Variants in AKAP6 observed in about 807,000 individuals in gnomAD.
AKAP6 encodes A-kinase anchor protein 6.
Under a neutral mutation model 188.5 loss-of-function variants are expected in AKAP6, and 58 were observed. The observed-to-expected ratio is 0.31, with a 90% CI of 0.25 to 0.38. AKAP6 has a LOEUF of 0.38. Ranked by LOEUF, AKAP6 falls within the 10% of genes least tolerant of loss-of-function variation. AKAP6 has a pLI of 1.00. For synonymous variants in AKAP6, 989 were observed against 998.6 expected, an observed-to-expected ratio of 0.99 and a Z score of 0.18; for missense variants, 2,710 against 2,740.0, an observed-to-expected ratio of 0.99 and a Z score of 0.24.
At position 32,832,837 on chromosome 14, in the gene AKAP6, C is replaced by G. The variant is rs2034835611; in HGVS notation, c.*3032C>G. On this transcript the variant is annotated 3_prime_UTR_variant, in exon 14 of 14. Coordinates refer to ENST00000280979, the MANE Select transcript of AKAP6 (RefSeq NM_004274.5). The stretch of plus-strand genomic sequence containing the variant: ...ATCAAGGCCAGTTACTCATCATCTC[C>G]CAACCACTGTTTCCTCAACTGCCCT... 1 of 152,616 alleles carries G rather than the reference C, an allele frequency of 6.6e-6. No homozygotes were observed. Among genetic ancestry groups the G allele is most frequent in the Non-Finnish European group, 1.5e-5 (1 of 68,044 alleles). 9.5% of individuals were successfully genotyped at this position (152,616 alleles called of 1,614,324 possible). A position where few individuals can be genotyped will look rare whatever the true frequency, so the allele number is the denominator to read the frequency against.
chr14:32,483,578 C>T (rs975923467), intron 2 of AKAP6, among the ~76,000 whole-genome samples: 4 of 151,978 alleles, frequency 2.6e-5, no homozygotes, highest in African/African-American at 4.8e-5. Flanking sequence ...TCCGCCTCCC[C>T]GGTTCAAGCA....
At chr14:32,482,283 A>G (rs1268998276) in intron 2 of AKAP6, among the ~76,000 whole-genome samples, 4 of 152,176 alleles carry the variant, frequency 2.6e-5, no homozygotes, top group South Asian at 2.1e-4. Flanking sequence ...CCCACTGCCA[A>G]CATTTCTGGC....
At chr14:32,460,670 C>T (rs1228420110) in intron 2 of AKAP6, among the ~76,000 whole-genome samples, 2 of 152,218 alleles carry the variant, frequency 1.3e-5, no homozygotes, top group Non-Finnish European at 2.9e-5. Flanking sequence ...AAGCTAGCTG[C>T]AGGAGTTTTT....
At chr14:32,351,034 C>G (rs143843625) in intron 1 of AKAP6, among the ~76,000 whole-genome samples, 4 of 151,940 alleles carry the variant, frequency 2.6e-5, no homozygotes, top group East Asian at 1.9e-4. Flanking sequence ...CTACTAAACC[C>G]GGAATCTCGA....
intron 2 of AKAP6, among the ~76,000 whole-genome samples, chr14:32,437,163 TC>T (rs1594612281): frequency 6.6e-6 from 1 of 152,106 alleles, no homozygotes; most frequent in East Asian, 1.9e-4. Flanking sequence ...AAGCTCTCTT[TC>T]CCCATTGTTA....
intron 1 of AKAP6, among the ~76,000 whole-genome samples, chr14:32,404,706 ATATATT>A (rs1321023730): frequency 7.5e-6 from 1 of 133,082 alleles, no homozygotes; most frequent in Non-Finnish European, 1.6e-5. Flanking sequence ...ATATATATAT[ATATATT>A]AGTCAGAATG....
At chr14:32,708,750 T>G (rs1890918089) in intron 9 of AKAP6, among the ~76,000 whole-genome samples, 1 of 152,064 alleles carries the variant, frequency 6.6e-6, no homozygotes, top group South Asian at 2.1e-4. Context: ...ACTTCACTTC[T>G]TGGCCCTCTT....
intron 2 of AKAP6, among the ~76,000 whole-genome samples, chr14:32,520,420 A>T (rs1284525367): frequency 2.0e-5 from 3 of 152,212 alleles, no homozygotes; most frequent in Non-Finnish European, 1.5e-5. Flanking sequence ...TGGTTTTTTG[A>T]AAAGATCAAC....
intron 11 of AKAP6, among the ~76,000 whole-genome samples, chr14:32,758,708 G>A (rs1427027449): frequency 1.3e-5 from 2 of 151,996 alleles, no homozygotes. Context: ...ACTCCACCCT[G>A]GGCAACAAGA....
At chr14:32,545,027 A>G (rs1054886078) in intron 3 of AKAP6, among the ~76,000 whole-genome samples, 17 of 152,292 alleles carry the variant, frequency 1.1e-4, no homozygotes, top group African/African-American at 4.1e-4. Flanking sequence ...GATTAGTGAA[A>G]AATCTTCAGG....
chr14:32,380,450 G>T (rs991786840), intron 1 of AKAP6, among the ~76,000 whole-genome samples: 2 of 152,154 alleles, frequency 1.3e-5, no homozygotes, highest in Non-Finnish European at 2.9e-5. Context: ...CTCAGATCAG[G>T]TACAAACTAG....
At chr14:32,812,729 C>G (rs995901450) in intron 12 of AKAP6, among the ~76,000 whole-genome samples, 1 of 152,176 alleles carries the variant, frequency 6.6e-6, no homozygotes, top group African/African-American at 2.4e-5. Context: ...GAGCCTGATG[C>G]AAGGGATTCA....
chr14:32,528,715 T>A (rs1266240614), intron 2 of AKAP6, among the ~76,000 whole-genome samples: 1 of 152,118 alleles, frequency 6.6e-6, no homozygotes, highest in Non-Finnish European at 1.5e-5. Flanking sequence ...TCTAGCTCTG[T>A]CCCCCAGGCT....
At chr14:32,808,750 G>A (rs919379743) in intron 12 of AKAP6, among the ~76,000 whole-genome samples, 2 of 151,994 alleles carry the variant, frequency 1.3e-5, no homozygotes, top group African/African-American at 4.8e-5. Flanking sequence ...GTTGAATTTT[G>A]TTTCTCTTTA....
At chr14:32,419,396 A>C (rs893781701) in intron 1 of AKAP6, among the ~76,000 whole-genome samples, 1 of 152,174 alleles carries the variant, frequency 6.6e-6, no homozygotes, top group Non-Finnish European at 1.5e-5. Context: ...CGTGCTCTTT[A>C]TGAAAGTTCA....
intron 1 of AKAP6, among the ~76,000 whole-genome samples, chr14:32,391,204 A>G (rs1888703516): frequency 6.6e-6 from 1 of 152,172 alleles, no homozygotes. Context: ...AATAGCAGAT[A>G]ACATGCAACA....
intron 1 of AKAP6, among the ~76,000 whole-genome samples, chr14:32,395,164 T>A (rs1888838918): frequency 6.6e-6 from 1 of 152,118 alleles, no homozygotes; most frequent in South Asian, 2.1e-4. Flanking sequence ...GCAGGCTAAA[T>A]ATAACTCCAT....
intron 11 of AKAP6, among the ~76,000 whole-genome samples, chr14:32,752,970 T>C (rs1233165895): frequency 6.6e-6 from 1 of 152,280 alleles, no homozygotes; most frequent in East Asian, 1.9e-4. Flanking sequence ...TCAGTTTGGT[T>C]TTTTCCATAT....
rs1053638411 is a variant in AKAP6, at chr14:32,732,358, C to G, written c.3001-96C>G. On this transcript the variant is annotated intron_variant, in intron 9 of 13. Transcript: ENST00000280979. ...CCATAAATTTTATTGGGAACAAAAA[C>G]TTTTAATGCTCGTAAGCATCACAAA... 5.0e-6 allele frequency: 7 copies of G among 1,410,618 alleles called. No homozygotes were observed. The East Asian group carries it at 9.4e-5, about 19-fold the overall frequency. The allele number at this position is 1,410,618 out of a possible 1,614,324, so 87.4% of individuals were successfully genotyped here.
Sources: allele counts gnomAD v4.1 joint callset (sites outside exome capture counted in the v4.1 genomes callset), GRCh38; gene constraint gnomAD v4.1.1; transcripts MANE v1.5; gene names NCBI Gene and HGNC (gene_info 2026-07-23, HGNC 2026-07-21).